The following RSPH14 variants were observed in gnomAD, a reference collection of about 807,000 sequenced individuals.
RSPH14 encodes radial spoke head 14 homolog.
In RSPH14, 20 loss-of-function variants were observed where a neutral mutation model predicts 26.7. The ratio of observed to expected loss-of-function variants is 0.75; its 90% CI spans 0.53 to 1.09. RSPH14 has a LOEUF of 1.09. RSPH14 is among the 50% of genes least tolerant of loss of function. RSPH14 has a pLI of 0.00. For synonymous variants in RSPH14, 177 were observed against 189.3 expected, an observed-to-expected ratio of 0.93 and a Z score of 0.53; for missense variants, 449 against 457.2, an observed-to-expected ratio of 0.98 and a Z score of 0.16.
chr22:23,095,604 G>T, intron 4 of RSPH14: 1 of 1,415,554 alleles, frequency 7.1e-7, no homozygotes, highest in East Asian at 2.4e-5. Flanking sequence ...AGGGCAGCTG[G>T]GCTCTTGTCT....
At chr22:23,131,725 C>A (rs984653395) in intron 4 of RSPH14, 2 of 941,022 alleles carry the variant, frequency 2.1e-6, no homozygotes, top group African/African-American at 3.4e-5. Context: ...CAGCACTGGT[C>A]CCCCATGGAT....
chr22:23,122,742 G>C (rs975501995), intron 4 of RSPH14: 1 of 302,148 alleles, frequency 3.3e-6, no homozygotes, highest in African/African-American at 2.1e-5. Flanking sequence ...GAAGATGGGG[G>C]GTCCTCGGAG....
the RSPH14 span, among the ~76,000 whole-genome samples, chr22:23,155,362 C>T: frequency 6.3e-3 from 960 of 152,256 alleles, 11 homozygotes; most frequent in African/African-American, 0.021. Context: ...CATCATTAAT[C>T]GATTGTTGTA....
At chr22:23,059,892 C>T (rs548782790) in intron 6 of RSPH14, among the ~76,000 whole-genome samples, 174 bp from the exon 7 acceptor site, 2 of 152,240 alleles carry the variant, frequency 1.3e-5, no homozygotes, top group Non-Finnish European at 2.9e-5. Context: ...TCGCTGAGTC[C>T]GGCCTGGGCC....
chr22:23,172,559 C>T, the RSPH14 span, among the ~76,000 whole-genome samples: 1 of 148,152 alleles, frequency 6.7e-6, no homozygotes, highest in Non-Finnish European at 1.5e-5. Flanking sequence ...AAAAAATTAG[C>T]CAGGCGCGGT....
chr22:23,063,971 A>G lies in RSPH14; in HGVS notation c.584T>C (p.Leu195Pro). The part of the protein sequence containing the change: ...EALGSNVVLV[L>P]KQKLLSANQN... ...GTTGGCGCTGAGGAGCTTCTGCTTC[A>G]GGACAAGCACCACATTGCTGCCCAG... The change falls in exon 5 of 7, where the codon CTG (leucine) becomes CCG (proline). Residue 195 changes from leucine (L) to proline (P), a missense_variant. By Grantham distance (98) the Leu-to-Pro change is moderately conservative (BLOSUM62 -3). Coordinates refer to ENST00000216036, the MANE Select transcript of RSPH14 (RefSeq NM_014433.3). The G allele has an allele frequency of 1.2e-6, 2 of 1,614,158 alleles. No homozygotes were observed. The highest frequency in any genetic ancestry group is 1.7e-6 in the Non-Finnish European group (2 of 1,180,004).
Position 23,137,338 on chromosome 22 carries a change from G to A in RSPH14, c.302+1502C>T, listed in dbSNP as rs572079421. On this transcript the variant is annotated intron_variant, in intron 3 of 6. Transcript: ENST00000216036. The stretch of plus-strand genomic sequence containing the variant: ...CACCAGAGGCAAGCAAGAGGGCAGG[G>A]AACAGGCTGCCAGGAAGCTCTCTTG... 3.1e-4 allele frequency among the ~76,000 whole-genome samples: 44 copies of A among 140,876 alleles called. 3 individuals carry two copies. The highest frequency in any genetic ancestry group is 3.6e-3 in the Middle Eastern group (1 of 280). 92.4% of individuals were successfully genotyped at this position (140,876 alleles called of 152,430 possible).
chr22:23,072,029 C>T (rs138212163), intron 4 of RSPH14, among the ~76,000 whole-genome samples: 5 of 152,168 alleles, frequency 3.3e-5, no homozygotes, highest in South Asian at 2.1e-4. Context: ...TCTGTAAAAG[C>T]GAAGCAGTTC....
chr22:23,096,602 G>GC (rs1211157355), intron 4 of RSPH14, among the ~76,000 whole-genome samples: 14 of 152,214 alleles, frequency 9.2e-5, no homozygotes, highest in African/African-American at 2.9e-4. Context: ...GGTGTGGAGT[G>GC]CAGGTGTCAT....
chr22:23,161,376 A>C, the RSPH14 span: 10 of 900,234 alleles, frequency 1.1e-5, no homozygotes, highest in Non-Finnish European at 1.8e-5. Flanking sequence ...CAGGCCATTC[A>C]GGCCTTGAAC....
At chr22:23,098,380 G>A (rs763259035) in intron 4 of RSPH14, among the ~76,000 whole-genome samples, 6 of 152,214 alleles carry the variant, frequency 3.9e-5, no homozygotes, top group African/African-American at 9.6e-5. Context: ...TGAGCTCCTC[G>A]GGGCAGGCCC....
At chr22:23,088,765 G>C (rs1334462901) in intron 4 of RSPH14, among the ~76,000 whole-genome samples, 1 of 152,234 alleles carries the variant, frequency 6.6e-6, no homozygotes, top group African/African-American at 2.4e-5. Context: ...TGTGTGGTAG[G>C]TATCTGGGGA....
At chr22:23,130,140 AAAGAAAGAAAGAAAG>A (rs1165981010) in intron 4 of RSPH14, among the ~76,000 whole-genome samples, 1 of 123,702 alleles carries the variant, frequency 8.1e-6, no homozygotes, top group African/African-American at 2.9e-5. Context: ...AGAAAGAAAG[AAAGAAAGAAAGAAAG>A]AAAGAAAAAG....
intron 4 of RSPH14, among the ~76,000 whole-genome samples, chr22:23,093,039 C>G (rs1006066047): frequency 6.6e-6 from 1 of 152,248 alleles, no homozygotes; most frequent in Admixed American, 6.5e-5. Flanking sequence ...GTCAGGTCGT[C>G]AGCAGGGACA....
intron 2 of RSPH14, among the ~76,000 whole-genome samples, chr22:23,139,604 G>A (rs2070553779): frequency 6.6e-6 from 1 of 151,954 alleles, no homozygotes; most frequent in Non-Finnish European, 1.5e-5. Context: ...CTGGGCAAGA[G>A]AGCGAGATGC....
At chr22:23,152,750 C>T in the RSPH14 span, among the ~76,000 whole-genome samples, 2 of 152,346 alleles carry the variant, frequency 1.3e-5, no homozygotes, top group Admixed American at 1.3e-4. Context: ...GCTTGTCAGA[C>T]TGTCCCCCTG....
Position 23,060,254 on chromosome 22 carries a change from G to A in RSPH14, c.791-536C>T, listed in dbSNP as rs577433452. ...TGGGAGGCCGAGGCTGGTGGATCAC[G>A]AGGTCAGGAGATTGTGACCATCCTG... On this transcript the variant is annotated intron_variant, in intron 6 of 6. Coordinates refer to ENST00000216036, the MANE Select transcript of RSPH14 (RefSeq NM_014433.3). Among the ~76,000 whole-genome samples the A allele has an allele frequency of 3.9e-5, 6 of 152,182 alleles. No individual in the cohort carries two copies. The East Asian group carries it at 7.7e-4, about 20-fold the overall frequency.
chr22:23,116,890 G>C (rs1483051176), intron 4 of RSPH14, among the ~76,000 whole-genome samples: 1 of 152,206 alleles, frequency 6.6e-6, no homozygotes, highest in African/African-American at 2.4e-5. Context: ...CCGCACCTGG[G>C]AGGGGGACAG....
the RSPH14 span, among the ~76,000 whole-genome samples, chr22:23,177,369 C>T: frequency 6.6e-6 from 1 of 152,152 alleles, no homozygotes; most frequent in Non-Finnish European, 1.5e-5. Flanking sequence ...CCTATCTGCC[C>T]TCCAGGCCAT....
Sources: gnomAD v4.1 joint callset for allele counts (sites outside exome capture counted in the v4.1 genomes callset) on GRCh38, gnomAD v4.1.1 for gene constraint, MANE v1.5 for transcripts, NCBI Gene and HGNC (gene_info 2026-07-23, HGNC 2026-07-21) for gene names.